Variants in CCDC3 observed in about 807,000 individuals in gnomAD.
The protein encoded by CCDC3 is coiled-coil domain-containing protein 3.
CCDC3 carries 24 observed loss-of-function variants against 21.4 expected under a neutral mutation model. The observed-to-expected ratio is 1.12, with a 90% CI of 0.81 to 1.58. The LOEUF is 1.58. CCDC3 is among the 40% of genes most tolerant of loss of function. The probability of loss-of-function intolerance (pLI) is 0.00; values close to 1 mark genes in which losing one functional copy is unlikely to be tolerated. For missense variants in CCDC3, 425 were observed against 360.9 expected (o/e 1.18, Z -1.44); for synonymous variants, 186 against 166.0 (o/e 1.12, Z -0.93).
At chr10:13,059,876 T>G (rs921935160) in intron 4 of CCDC3, among the ~76,000 whole-genome samples, 2 of 151,988 alleles carry the variant, frequency 1.3e-5, no homozygotes, top group Non-Finnish European at 2.9e-5. Flanking sequence ...GATCATGAGG[T>G]CAGGAGATGA....
chr10:13,093,693 C>G (rs1478315697), intron 3 of CCDC3, among the ~76,000 whole-genome samples: 2 of 152,072 alleles, frequency 1.3e-5, no homozygotes, highest in African/African-American at 4.8e-5. Context: ...GCCGAGGTAG[C>G]CTGATACCCA....
intron 4 of CCDC3, among the ~76,000 whole-genome samples, chr10:13,056,380 CTG>C (rs1836681572): frequency 6.6e-6 from 1 of 152,162 alleles, no homozygotes; most frequent in Non-Finnish European, 1.5e-5. Context: ...CTGTTGGAAA[CTG>C]AGAAATGTAG....
intron 2 of CCDC3, among the ~76,000 whole-genome samples, chr10:12,951,330 T>C (rs1835005207): frequency 6.6e-6 from 1 of 152,126 alleles, no homozygotes; most frequent in South Asian, 2.1e-4. Context: ...CACTCCAGCC[T>C]GGGTGACAAA....
intron 2 of CCDC3, among the ~76,000 whole-genome samples, chr10:12,985,438 A>G (rs1383733093): frequency 6.6e-6 from 1 of 152,236 alleles, no homozygotes; most frequent in Non-Finnish European, 1.5e-5. Flanking sequence ...TTTATAACAG[A>G]GAAGTGAAAA....
intron 5 of CCDC3, among the ~76,000 whole-genome samples, chr10:13,041,999 G>C (rs2131418803): frequency 6.6e-6 from 1 of 152,310 alleles, no homozygotes; most frequent in South Asian, 2.1e-4. Context: ...CCCTAAGAGT[G>C]CTGAATGGGC....
intron 4 of CCDC3, among the ~76,000 whole-genome samples, chr10:13,055,426 G>A (rs1273562553): frequency 1.3e-5 from 2 of 151,694 alleles, no homozygotes; most frequent in Admixed American, 1.3e-4. Flanking sequence ...CAGACTCCTG[G>A]GCTCAAAGTG....
intron 5 of CCDC3, among the ~76,000 whole-genome samples, chr10:13,008,490 T>C (rs375170065): frequency 4.6e-5 from 7 of 152,088 alleles, no homozygotes; most frequent in African/African-American, 1.7e-4. Context: ...GATGGGAGAA[T>C]AGTTACACAC....
chr10:13,083,971 G>A (rs1056977894), intron 3 of CCDC3, among the ~76,000 whole-genome samples: 2 of 151,920 alleles, frequency 1.3e-5, no homozygotes, highest in Non-Finnish European at 2.9e-5. Context: ...TTTTCCTTAT[G>A]GTACCAAGGA....
At chr10:12,932,658 T>C (rs1834665428) in intron 2 of CCDC3, among the ~76,000 whole-genome samples, 1 of 152,210 alleles carries the variant, frequency 6.6e-6, no homozygotes. Flanking sequence ...GATTTTTTTT[T>C]CTTGTCTTGT....
chr10:13,053,262 GACTT>G (rs1159086907), intron 4 of CCDC3, among the ~76,000 whole-genome samples: 3 of 152,128 alleles, frequency 2.0e-5, no homozygotes, highest in African/African-American at 7.2e-5. Context: ...GACAACCACT[GACTT>G]ACGTAATAAA....
At chr10:12,916,302 C>G (rs1365434417) in intron 2 of CCDC3, among the ~76,000 whole-genome samples, 1 of 151,950 alleles carries the variant, frequency 6.6e-6, no homozygotes, top group Non-Finnish European at 1.5e-5. Flanking sequence ...CATGGTGGTG[C>G]ATGCCTGTAA....
chr10:12,945,680 T>C (rs1205715185), intron 2 of CCDC3, among the ~76,000 whole-genome samples: 13 of 152,248 alleles, frequency 8.5e-5, no homozygotes, highest in Non-Finnish European at 1.3e-4. Flanking sequence ...TCTTTACCTT[T>C]TAAGTAATTG....
At chr10:12,982,466 G>T (rs1835513726) in intron 2 of CCDC3, among the ~76,000 whole-genome samples, 1 of 150,078 alleles carries the variant, frequency 6.7e-6, no homozygotes, top group South Asian at 2.2e-4. Context: ...TTTGTTAAGA[G>T]TAGATTTCAT....
chr10:13,008,121 G>A (rs764748227), intron 5 of CCDC3, among the ~76,000 whole-genome samples: 7 of 152,302 alleles, frequency 4.6e-5, no homozygotes, highest in Non-Finnish European at 8.8e-5. Context: ...ACCCTGTTAT[G>A]GGGTTGACCA....
chr10:12,947,079 G>GT (rs1834926075), intron 2 of CCDC3, among the ~76,000 whole-genome samples: 1 of 151,164 alleles, frequency 6.6e-6, no homozygotes, highest in Non-Finnish European at 1.5e-5. Flanking sequence ...TGTCTCCTTA[G>GT]TTTTTTGGAG....
chr10:12,950,696 A>G (rs1159116182), intron 2 of CCDC3, among the ~76,000 whole-genome samples: 1 of 152,170 alleles, frequency 6.6e-6, no homozygotes, highest in Non-Finnish European at 1.5e-5. Flanking sequence ...AAACATTTCT[A>G]CAGTTCCTGA....
chr10:12,947,460 T>C (rs1474389848), intron 2 of CCDC3, among the ~76,000 whole-genome samples: 2 of 152,214 alleles, frequency 1.3e-5, no homozygotes, highest in African/African-American at 4.8e-5. Flanking sequence ...TTCACTTCTA[T>C]ACAACAAATA....
chr10:12,899,040 T>TG (rs1206431918), intron 2 of CCDC3, among the ~76,000 whole-genome samples: 1 of 151,918 alleles, frequency 6.6e-6, no homozygotes, highest in South Asian at 2.1e-4. Flanking sequence ...GTTCCGGGAA[T>TG]GGGGGGAGTC....
chr10:12,986,576 C>T (rs541930609), intron 2 of CCDC3, among the ~76,000 whole-genome samples: 3 of 152,196 alleles, frequency 2.0e-5, no homozygotes, highest in African/African-American at 4.8e-5. Context: ...AGATGGAAAC[C>T]ACTCTAGCTA....
Sources: allele counts gnomAD v4.1 joint callset (sites outside exome capture counted in the v4.1 genomes callset), GRCh38; gene constraint gnomAD v4.1.1; transcripts MANE v1.5; gene names NCBI Gene and HGNC (gene_info 2026-07-23, HGNC 2026-07-21).